Variants in GRID2 observed in about 807,000 individuals in gnomAD.
GRID2 encodes glutamate ionotropic receptor delta type subunit 2.
GRID2 carries 33 observed loss-of-function variants against 114.8 expected under a neutral mutation model. The observed-to-expected ratio is 0.29, with a 90% CI of 0.22 to 0.38. The LOEUF is 0.38. Among genes scored for constraint, GRID2 ranks in the 10% least tolerant of loss-of-function variants. The pLI, the probability that GRID2 is intolerant of heterozygous loss-of-function variation, is 1.00. For missense variants in GRID2, 1,184 were observed against 1,257.7 expected, an observed-to-expected ratio of 0.94 and a Z score of 0.89; for synonymous variants, 505 against 449.9, an observed-to-expected ratio of 1.12 and a Z score of -1.55.
At chr4:92,866,199 C>T (rs1744850179) in intron 2 of GRID2, among the ~76,000 whole-genome samples, 1 of 152,168 alleles carries the variant, frequency 6.6e-6, no homozygotes, top group Non-Finnish European at 1.5e-5. Context: ...TAGGATTTTA[C>T]AGTCCATCAT....
intron 4 of GRID2, among the ~76,000 whole-genome samples, chr4:93,178,175 G>T (rs1186978048): frequency 6.6e-6 from 1 of 150,720 alleles, no homozygotes; most frequent in Non-Finnish European, 1.5e-5. Flanking sequence ...CATCCTTAAA[G>T]TGAAAGCTAC....
rs531777041 is a variant in GRID2, at chr4:92,319,101, C to A, written c.88+14357C>A. 5.6e-4 allele frequency among the ~76,000 whole-genome samples: 85 copies of A among 152,106 alleles called. 1 individual carries two copies. The highest frequency in any genetic ancestry group is 1.8e-3 in the African/African-American group (76 of 41,500). On this transcript the variant is annotated intron_variant, in intron 1 of 15. Coordinates refer to ENST00000282020, the MANE Select transcript of GRID2 (RefSeq NM_001510.4). ...AGTGATATTACACTACAATTATTAC[C>A]TTCTATCTCACTCTTGGATAAGAAA...
chr4:93,059,907 T>C (rs1727618739), intron 2 of GRID2, among the ~76,000 whole-genome samples: 1 of 152,134 alleles, frequency 6.6e-6, no homozygotes, highest in African/African-American at 2.4e-5. Context: ...ATACCAATTA[T>C]ATTGATAGTT....
chr4:92,624,241 A>G (rs970933568), intron 2 of GRID2, among the ~76,000 whole-genome samples: 1 of 151,894 alleles, frequency 6.6e-6, no homozygotes, highest in East Asian at 1.9e-4. Context: ...ACAGAGGTGG[A>G]GTAAAGTGGC....
At position 92,376,167 on chromosome 4, in the gene GRID2, C is replaced by T. The variant is rs535796243; in HGVS notation, c.88+71423C>T. Among the ~76,000 whole-genome samples, 9 of 151,942 alleles carry T rather than the reference C, an allele frequency of 5.9e-5. No homozygotes were observed. The South Asian group carries it at 8.3e-4, about 14-fold the overall frequency. ...TACTAAAAAATACAAAAAATTAGCC[C>T]GGTGTGTTGTCGGGCACCTGAAGTC... On this transcript the variant is annotated intron_variant, in intron 1 of 15. Transcript: ENST00000282020.
In GRID2 at chr4:92,913,116, CT is replaced by C. The variant is rs1279616384; in HGVS notation, c.245-171876del. 5.9e-5 allele frequency among the ~76,000 whole-genome samples: 9 copies of C among 151,624 alleles called. No homozygotes were observed. In the South Asian group the frequency reaches 1.9e-3, roughly 31 times the overall value. On this transcript the variant is annotated intron_variant, in intron 2 of 15. Transcript: ENST00000282020. ...AAATAAATGAAAATATGAATCTTGACTTTAAAATTTCTGTACTTCTCATAAA... is the reference window on the plus strand; with the variant it reads ...AAATAAATGAAAATATGAATCTTGACTTAAAATTTCTGTACTTCTCATAAA...
intron 4 of GRID2, among the ~76,000 whole-genome samples, chr4:93,162,695 A>C (rs1386587427): frequency 6.6e-6 from 1 of 151,970 alleles, no homozygotes; most frequent in African/African-American, 2.4e-5. Flanking sequence ...AATTCCTTGA[A>C]ATGTTAAAAT....
chr4:92,707,579 G>A (rs1024017794), intron 2 of GRID2, among the ~76,000 whole-genome samples: 23 of 152,156 alleles, frequency 1.5e-4, no homozygotes, highest in Non-Finnish European at 7.4e-5. Flanking sequence ...CAATGTTAAC[G>A]TGGAAAGATT....
intron 4 of GRID2, among the ~76,000 whole-genome samples, chr4:93,182,030 C>G (rs944599662): frequency 5.3e-5 from 8 of 152,064 alleles, no homozygotes; most frequent in Admixed American, 2.0e-4. Context: ...AAACTTCTTA[C>G]CAAAATAAGC....
intron 4 of GRID2, among the ~76,000 whole-genome samples, chr4:93,114,125 G>A (rs1318814709): frequency 6.6e-6 from 1 of 152,128 alleles, no homozygotes; most frequent in Non-Finnish European, 1.5e-5. Context: ...GTGATGAAGA[G>A]GAGATTGTAG....
At chr4:93,563,531 C>T (rs1735116347) in intron 13 of GRID2, among the ~76,000 whole-genome samples, 1 of 151,900 alleles carries the variant, frequency 6.6e-6, no homozygotes, top group African/African-American at 2.4e-5. Flanking sequence ...CCAAAAGCCC[C>T]ACTGTTGAAG....
At chr4:93,605,370 G>C (rs1284570150) in intron 13 of GRID2, among the ~76,000 whole-genome samples, 1 of 152,118 alleles carries the variant, frequency 6.6e-6, no homozygotes, top group Non-Finnish European at 1.5e-5. Flanking sequence ...ATGAAACTGT[G>C]CTGAGTCATA....
intron 2 of GRID2, among the ~76,000 whole-genome samples, chr4:92,725,722 C>T (rs34538239): frequency 0.015 from 2,236 of 152,236 alleles, 17 homozygotes; most frequent in Non-Finnish European, 0.024. Flanking sequence ...AGAAAATCTT[C>T]TGAACAAAGT....
At chr4:92,963,164 G>T (rs1752931203) in intron 2 of GRID2, among the ~76,000 whole-genome samples, 1 of 152,030 alleles carries the variant, frequency 6.6e-6, no homozygotes, top group South Asian at 2.1e-4. Flanking sequence ...GTCTTGCCTG[G>T]GTATTGATGG....
At chr4:93,567,140 A>C (rs1735503810) in intron 13 of GRID2, among the ~76,000 whole-genome samples, 1 of 152,208 alleles carries the variant, frequency 6.6e-6, no homozygotes, top group African/African-American at 2.4e-5. Context: ...GGGTCATGCC[A>C]AAGTTTTAAA....
chr4:92,925,236 C>T (rs939674183), intron 2 of GRID2, among the ~76,000 whole-genome samples: 4 of 151,952 alleles, frequency 2.6e-5, no homozygotes, highest in Admixed American at 6.6e-5. Context: ...TCTCCTTTCA[C>T]CCCCACCATG....
intron 2 of GRID2, among the ~76,000 whole-genome samples, chr4:93,069,007 CAAG>C (rs1728567471): frequency 6.6e-6 from 1 of 151,696 alleles, no homozygotes; most frequent in South Asian, 2.1e-4. Context: ...AGAGCAGAAA[CAAG>C]AGAGAGAGGA....
intron 2 of GRID2, among the ~76,000 whole-genome samples, chr4:92,869,909 A>G (rs945082217): frequency 3.3e-5 from 5 of 152,134 alleles, no homozygotes; most frequent in African/African-American, 9.7e-5. Flanking sequence ...AATATTAACT[A>G]TAAGTTGGGT....
At chr4:92,605,501 A>C (rs762321847) in intron 2 of GRID2, among the ~76,000 whole-genome samples, 1 of 152,114 alleles carries the variant, frequency 6.6e-6, no homozygotes, top group African/African-American at 2.4e-5. Flanking sequence ...GTGACATAAA[A>C]TAATGATACT....
Sources: allele counts gnomAD v4.1 joint callset (sites outside exome capture counted in the v4.1 genomes callset), GRCh38; gene constraint gnomAD v4.1.1; transcripts MANE v1.5; gene names NCBI Gene and HGNC (gene_info 2026-07-23, HGNC 2026-07-21).